TRAPPC9: variants seen among roughly 807,000 people sequenced by gnomAD.
TRAPPC9 encodes the protein trafficking protein particle complex subunit 9, also known as IKK2 binding protein.
Under a neutral mutation model 124.0 loss-of-function variants are expected in TRAPPC9, and 83 were observed. That is an observed-to-expected ratio of 0.67 (90% CI 0.56 to 0.80). The LOEUF (loss-of-function observed/expected upper bound fraction) is 0.80. Among genes scored for constraint, TRAPPC9 ranks in the 30% least tolerant of loss-of-function variants. TRAPPC9 has a pLI of 0.00. For synonymous variants in TRAPPC9, 638 were observed against 617.5 expected (o/e 1.03, Z -0.49); for missense variants, 1,302 against 1,508.3 (o/e 0.86, Z 2.27).
chr8:140,061,558 A>G (rs187390125), intron 17 of TRAPPC9, among the ~76,000 whole-genome samples: 2 of 152,280 alleles, frequency 1.3e-5, no homozygotes, highest in South Asian at 2.1e-4. Context: ...CCTTGAACAA[A>G]GGAGAGGCGC....
At chr8:140,233,984 C>T (rs1438974931) in intron 16 of TRAPPC9, among the ~76,000 whole-genome samples, 1 of 152,068 alleles carries the variant, frequency 6.6e-6, no homozygotes, top group African/African-American at 2.4e-5. Context: ...TAGACTTATG[C>T]TAATACAGTA....
At chr8:140,406,373 G>C (rs1372710689) in intron 5 of TRAPPC9, among the ~76,000 whole-genome samples, 1 of 152,098 alleles carries the variant, frequency 6.6e-6, no homozygotes, top group Admixed American at 6.6e-5. Context: ...GGGAAAGCTG[G>C]GCTTCTATGA....
chr8:139,736,417 C>T (rs1367077673), intron 21 of TRAPPC9, among the ~76,000 whole-genome samples: 1 of 152,186 alleles, frequency 6.6e-6, no homozygotes. Context: ...AGCAAGCAGC[C>T]GTTTCCTTCC....
chr8:139,756,731 G>T (rs1261323404), intron 21 of TRAPPC9, among the ~76,000 whole-genome samples: 1 of 134,930 alleles, frequency 7.4e-6, no homozygotes, highest in Non-Finnish European at 1.6e-5. Flanking sequence ...CAGGTCGCAG[G>T]AGGAGCCAGG....
intron 19 of TRAPPC9, among the ~76,000 whole-genome samples, chr8:139,929,635 T>A (rs1833010147): frequency 6.6e-6 from 1 of 152,266 alleles, no homozygotes; most frequent in South Asian, 2.1e-4. Context: ...GCTACAGGCT[T>A]CCATGGTCTT....
At chr8:140,269,830 C>A (rs994814478) in intron 15 of TRAPPC9, among the ~76,000 whole-genome samples, 1 of 151,764 alleles carries the variant, frequency 6.6e-6, no homozygotes, top group African/African-American at 2.4e-5. Context: ...CGGGCACGGT[C>A]GCTCGTGCCT....
At chr8:140,242,924 G>A (rs941101119) in intron 16 of TRAPPC9, among the ~76,000 whole-genome samples, 1 of 152,188 alleles carries the variant, frequency 6.6e-6, no homozygotes, top group African/African-American at 2.4e-5. Context: ...TTCAATGGCG[G>A]AAAAGTACAA....
chr8:140,102,165 A>G (rs557029048), intron 17 of TRAPPC9, among the ~76,000 whole-genome samples: 1 of 152,312 alleles, frequency 6.6e-6, no homozygotes, highest in African/African-American at 2.4e-5. Context: ...ATGCTTTGTA[A>G]GAGACAATAA....
intron 17 of TRAPPC9, among the ~76,000 whole-genome samples, chr8:140,189,498 A>C (rs1283610913): frequency 6.6e-6 from 1 of 152,254 alleles, no homozygotes; most frequent in Non-Finnish European, 1.5e-5. Context: ...GCATAGGATA[A>C]GAAAATGCTT....
chr8:140,086,691 G>A (rs1307393300), intron 17 of TRAPPC9, among the ~76,000 whole-genome samples: 2 of 152,118 alleles, frequency 1.3e-5, no homozygotes, highest in Admixed American at 6.5e-5. Flanking sequence ...GGCGGCCGAG[G>A]CTTGGGATCC....
At chr8:139,787,639 G>A (rs1469962267) in intron 21 of TRAPPC9, among the ~76,000 whole-genome samples, 1 of 152,184 alleles carries the variant, frequency 6.6e-6, no homozygotes, top group African/African-American at 2.4e-5. Flanking sequence ...ATGGTTATTA[G>A]GTTAATAGTT....
chr8:140,087,123 T>C lies in TRAPPC9; in HGVS notation c.2557-63044A>G, dbSNP rs538639812. Among the ~76,000 whole-genome samples, 6 of 152,276 alleles carry C rather than the reference T, an allele frequency of 3.9e-5. No homozygotes were observed. Among genetic ancestry groups the C allele is most frequent in the African/African-American group, 1.4e-4 (6 of 41,562 alleles). ...CCAATCTCAAAGCCAGTGGTCAACA[T>C]CCTGGCCTTGTCTTCCTGACGTTCT... On this transcript the variant is annotated intron_variant, in intron 17 of 22. Coordinates refer to ENST00000438773, the MANE Select transcript of TRAPPC9 (RefSeq NM_001160372.4). This position sits in a 1 kb window ranked among gnomAD's most constrained non-coding sequence, Gnocchi z 4.6.
At chr8:140,389,992 T>C (rs1373297196) in intron 7 of TRAPPC9, among the ~76,000 whole-genome samples, 1 of 152,138 alleles carries the variant, frequency 6.6e-6, no homozygotes, top group Admixed American at 6.6e-5. Flanking sequence ...CTAAGGCTCC[T>C]AACAGCTAAA....
intron 9 of TRAPPC9, among the ~76,000 whole-genome samples, chr8:140,315,008 C>A (rs1291833091): frequency 1.3e-5 from 2 of 152,176 alleles, no homozygotes; most frequent in Non-Finnish European, 2.9e-5. Flanking sequence ...TTTTGAGGAA[C>A]CTCCATACTG....
At chr8:140,050,146 G>A (rs1841895750) in intron 17 of TRAPPC9, among the ~76,000 whole-genome samples, 1 of 152,214 alleles carries the variant, frequency 6.6e-6, no homozygotes, top group African/African-American at 2.4e-5. Context: ...GAGCTAGCGA[G>A]AGGATTCGGC....
chr8:139,778,839 G>A (rs1238274618), intron 21 of TRAPPC9, among the ~76,000 whole-genome samples: 4 of 152,030 alleles, frequency 2.6e-5, no homozygotes, highest in Admixed American at 6.6e-5. Context: ...AGAGTGGAGG[G>A]AGACAGGAAA....
At chr8:140,357,147 G>A (rs1436919416) in intron 9 of TRAPPC9, among the ~76,000 whole-genome samples, 1 of 152,146 alleles carries the variant, frequency 6.6e-6, no homozygotes, top group East Asian at 1.9e-4. Flanking sequence ...ACAAGTGCAG[G>A]AAGAAAGAGA....
chr8:139,729,843 C>T lies in TRAPPC9; in HGVS notation c.*1218G>A, dbSNP rs1231392496. ...TTTAGGAAGCCCCGCTCTCTGTCCC[C>T]CAATACTCCATGGGAGTTTCAGTGC... On this transcript the variant is annotated 3_prime_UTR_variant, in exon 23 of 23. Coordinates refer to ENST00000438773, the MANE Select transcript of TRAPPC9 (RefSeq NM_001160372.4). Among the ~76,000 whole-genome samples the T allele has an allele frequency of 6.6e-6, 1 of 152,196 alleles. No homozygotes were observed. Among genetic ancestry groups the T allele is most frequent in the East Asian group, 1.9e-4 (1 of 5,180 alleles).
chr8:140,180,298 A>T (rs1461045531), intron 17 of TRAPPC9, among the ~76,000 whole-genome samples: 2 of 151,954 alleles, frequency 1.3e-5, no homozygotes, highest in Non-Finnish European at 2.9e-5. Context: ...AAATAATATC[A>T]TATAACCTTA....
Sources: gnomAD v4.1 joint callset for allele counts (sites outside exome capture counted in the v4.1 genomes callset) on GRCh38, gnomAD v4.1.1 for gene constraint, Gnocchi (gnomAD v3.1) non-coding constraint, MANE v1.5 for transcripts, NCBI Gene and HGNC (gene_info 2026-07-23, HGNC 2026-07-21) for gene names.